The following CLDN14 variants were observed in gnomAD, a reference collection of about 807,000 sequenced individuals.
The protein encoded by CLDN14 is claudin-14.
In CLDN14, 2 loss-of-function variants were observed where a neutral mutation model predicts 2.1. That is an observed-to-expected ratio of 0.96 (90% CI 0.39 to 3.01). The LOEUF (loss-of-function observed/expected upper bound fraction) is 3.01. Among genes scored for constraint, CLDN14 ranks in the 30% most tolerant of loss-of-function variants. The pLI is 0.09. For missense variants in CLDN14, 298 were observed against 328.0 expected (o/e 0.91, Z 0.71); for synonymous variants, 136 against 154.4 (o/e 0.88, Z 0.88).
At chr21:36,523,901 C>T (rs938312618) in intron 1 of CLDN14, among the ~76,000 whole-genome samples, 39 of 152,044 alleles carry the variant, frequency 2.6e-4, no homozygotes, top group African/African-American at 8.0e-4. Flanking sequence ...CTGCCCACTC[C>T]GAGATGCTCC....
chr21:36,557,447 C>T (rs2087606574), intron 1 of CLDN14, among the ~76,000 whole-genome samples: 1 of 151,796 alleles, frequency 6.6e-6, no homozygotes, highest in African/African-American at 2.4e-5. Flanking sequence ...ACATCCTTGC[C>T]AACTCTTATC....
intron 1 of CLDN14, among the ~76,000 whole-genome samples, chr21:36,465,899 G>A (rs1234101763): frequency 6.6e-6 from 1 of 152,242 alleles, no homozygotes; most frequent in African/African-American, 2.4e-5. Flanking sequence ...TAGAGGATCA[G>A]TACTGGGTCC....
intron 1 of CLDN14, among the ~76,000 whole-genome samples, chr21:36,555,864 T>G (rs447184): frequency 6.7e-6 from 1 of 149,928 alleles, no homozygotes; most frequent in African/African-American, 2.5e-5. Context: ...AGAGAGAGAG[T>G]GTGTGTGTGT....
At chr21:36,508,063 G>A (rs75625017) in intron 2 of CLDN14, among the ~76,000 whole-genome samples, 3,101 of 152,308 alleles carry the variant, frequency 0.02, 110 homozygotes, top group African/African-American at 0.068. Context: ...TGGGGAAGGA[G>A]ATTGTCTTTG....
chr21:36,513,089 G>A (rs950488953), intron 1 of CLDN14, among the ~76,000 whole-genome samples: 8 of 152,244 alleles, frequency 5.3e-5, no homozygotes, highest in Admixed American at 4.6e-4. Flanking sequence ...ACCTGCCTGT[G>A]TCTCACGAGA....
Position 36,460,845 on chromosome 21 carries a change from G to T in CLDN14, c.*131C>A. On this transcript the variant is annotated 3_prime_UTR_variant, in exon 2 of 2. Transcript: ENST00000399135. This position sits in a 1 kb window ranked among gnomAD's most constrained non-coding sequence, Gnocchi z 4.0. ...CCCTGTGCTCTAAAGACATTTCCTCGCATTCACATTATTTCCTTGGATACA... is the reference window on the plus strand; with the variant it reads ...CCCTGTGCTCTAAAGACATTTCCTCTCATTCACATTATTTCCTTGGATACA... 1.9e-6 allele frequency: 2 copies of T among 1,054,688 alleles called. No homozygotes were observed. Among genetic ancestry groups the T allele is most frequent in the Non-Finnish European group, 2.8e-6 (2 of 716,020 alleles). 65.3% of individuals were successfully genotyped at this position (1,054,688 alleles called of 1,614,324 possible). A position where few individuals can be genotyped will look rare whatever the true frequency, so the allele number is the denominator to read the frequency against.
At chr21:36,573,762 A>G (rs764324747) in intron 1 of CLDN14, among the ~76,000 whole-genome samples, 7 of 152,206 alleles carry the variant, frequency 4.6e-5, no homozygotes, top group Non-Finnish European at 8.8e-5. Context: ...TTATATTTCT[A>G]TATGCCAGTA....
chr21:36,545,669 A>G (rs1318357553), intron 1 of CLDN14, among the ~76,000 whole-genome samples: 2 of 151,848 alleles, frequency 1.3e-5, no homozygotes, highest in East Asian at 3.9e-4. Context: ...ATCTGCCCCC[A>G]CTCTGTATTT....
At position 36,499,038 on chromosome 21, in the gene CLDN14, A is replaced by G. The variant is rs756137152; in HGVS notation, c.-82+11325T>C. 2.6e-4 allele frequency among the ~76,000 whole-genome samples: 40 copies of G among 152,244 alleles called. No individual in the cohort carries two copies. Among genetic ancestry groups the G allele is most frequent in the African/African-American group, 9.1e-4 (38 of 41,546 alleles). Reference sequence around the variant, plus strand: ...TTTGGCCAGTTTCAGGGCACATGACAATCACCGATATGACAGAAGGGTAAC... The same window carrying G: ...TTTGGCCAGTTTCAGGGCACATGACGATCACCGATATGACAGAAGGGTAAC... On this transcript the variant is annotated intron_variant, in intron 2 of 2. Transcript: ENST00000342108. The surrounding 1 kb of genome is among the most constrained non-coding windows in gnomAD (Gnocchi z 4.7).
intron 1 of CLDN14, among the ~76,000 whole-genome samples, chr21:36,567,253 C>A (rs772126515): frequency 7.2e-5 from 11 of 152,188 alleles, no homozygotes; most frequent in Admixed American, 1.3e-4. Flanking sequence ...GAAATTGAAT[C>A]CAGTTTCTTT....
chr21:36,555,336 C>T (rs2087591415), intron 1 of CLDN14, among the ~76,000 whole-genome samples: 2 of 152,150 alleles, frequency 1.3e-5, no homozygotes, highest in Non-Finnish European at 2.9e-5. Context: ...CTGGGTGACC[C>T]GTACTCAGCA....
chr21:36,477,305 TGAAAG>T lies in CLDN14; in HGVS notation c.-82+2185_-82+2189del, dbSNP rs755622286. 2.6e-5 allele frequency: 4 copies of T among 152,294 alleles called. No homozygotes were observed. In the South Asian group the frequency reaches 6.2e-4, roughly 24 times the overall value. The allele number at this position is 152,294 out of a possible 1,614,324, so 9.4% of individuals were successfully genotyped here. On this transcript the variant is annotated intron_variant, in intron 1 of 1. Transcript: ENST00000399135. ...CAATGAGTGCATTGAGTTAGAATGT[TGAAAG>T]GAACAGAGACGCTCTTGCAGTGTTC... is the stretch of plus-strand genomic sequence containing the variant.
chr21:36,474,417 T>C (rs910386197), intron 1 of CLDN14, among the ~76,000 whole-genome samples: 1 of 152,220 alleles, frequency 6.6e-6, no homozygotes, highest in Admixed American at 6.5e-5. Flanking sequence ...CATGATGTAA[T>C]GCATTAATAA....
At chr21:36,481,593 A>G (rs2086845352), upstream of CLDN14, among the ~76,000 whole-genome samples, 1 of 152,216 alleles carries the variant, frequency 6.6e-6, no homozygotes, top group Admixed American at 6.5e-5. Flanking sequence ...GTTTTTAGGG[A>G]TATTACACTG....
intron 1 of CLDN14, among the ~76,000 whole-genome samples, chr21:36,531,362 GA>G (rs1474593227): frequency 6.7e-6 from 1 of 149,710 alleles, no homozygotes; most frequent in African/African-American, 2.5e-5. Flanking sequence ...TTGGCTTCCT[GA>G]AGCCTCCACC....
At chr21:36,560,626 G>A (rs1337513069) in intron 1 of CLDN14, among the ~76,000 whole-genome samples, 3 of 152,166 alleles carry the variant, frequency 2.0e-5, no homozygotes, top group Admixed American at 2.0e-4. Flanking sequence ...GGTAGTGATG[G>A]TGTCACTTAG....
chr21:36,512,771 G>C (rs964403977), intron 1 of CLDN14, among the ~76,000 whole-genome samples: 1 of 152,228 alleles, frequency 6.6e-6, no homozygotes, highest in Admixed American at 6.5e-5. Flanking sequence ...AAAGCACGTG[G>C]AAAAAGAGCC....
At chr21:36,484,033 A>G (rs2086871517), upstream of CLDN14, among the ~76,000 whole-genome samples, 1 of 152,174 alleles carries the variant, frequency 6.6e-6, no homozygotes, top group Non-Finnish European at 1.5e-5. Context: ...TTCACTGAGG[A>G]GGATGCAGGA....
At chr21:36,534,656 A>G (rs2087410206) in intron 1 of CLDN14, among the ~76,000 whole-genome samples, 1 of 152,144 alleles carries the variant, frequency 6.6e-6, no homozygotes, top group African/African-American at 2.4e-5. Flanking sequence ...ACCTGGCCTT[A>G]TGTGCCAGAC....
Sources: allele counts gnomAD v4.1 joint callset (sites outside exome capture counted in the v4.1 genomes callset), GRCh38; gene constraint gnomAD v4.1.1; non-coding constraint Gnocchi (gnomAD v3.1); transcripts MANE v1.5; gene names NCBI Gene and HGNC (gene_info 2026-07-23, HGNC 2026-07-21).